The following PLEKHN1 variants were observed in gnomAD, a reference collection of about 807,000 sequenced individuals.
The protein encoded by PLEKHN1 is pleckstrin homology domain containing N1.
A neutral mutation model predicts 72.8 loss-of-function variants in PLEKHN1; 68 were observed. The ratio of observed to expected loss-of-function variants is 0.93; its 90% CI spans 0.77 to 1.14. The LOEUF is 1.14. Ranked by LOEUF, PLEKHN1 falls within the 50% of genes most tolerant of loss-of-function variation. The pLI is 0.00. For missense variants in PLEKHN1, 1,015 were observed against 840.5 expected, an observed-to-expected ratio of 1.21 and a Z score of -2.57; for synonymous variants, 454 against 371.6, an observed-to-expected ratio of 1.22 and a Z score of -2.55.
chr1:969,772 CAT>C (rs1491141553), intron 2 of PLEKHN1, among the ~76,000 whole-genome samples: 7 of 150,732 alleles, frequency 4.6e-5, no homozygotes, highest in East Asian at 2.0e-4. Context: ...TGTGTGTATG[CAT>C]GTGTGCGTGT....
At chr1:969,461 A>G (rs891229957) in intron 2 of PLEKHN1, among the ~76,000 whole-genome samples, 1 of 151,938 alleles carries the variant, frequency 6.6e-6, no homozygotes, top group African/African-American at 2.4e-5. Flanking sequence ...AAATGTATGC[A>G]TGTATGCAGT....
At chr1:973,680 C>T (rs2100481110) in intron 13 of PLEKHN1, 40 bp downstream of exon 13, 1 of 1,605,204 alleles carries the variant, frequency 6.2e-7, no homozygotes, top group Non-Finnish European at 8.5e-7. Context: ...TGGGAGGTGC[C>T]TGCAGCCTGA....
At position 973,941 on chromosome 1, in the gene PLEKHN1, G is replaced by C; in HGVS notation, c.1543G>C (p.Ala515Pro). ...CCCTCGCTCCTGCTCCTCCGGCCCC[G>C]CTGGCCCCTACTTGCTCTCCAAGAA... ...SDPRSCSSGP[A>P]GPYLLSKKGA... Residue 515 changes from alanine to proline, a missense_variant, in exon 14 of 16, where the codon GCT (alanine) becomes CCT (proline). Transcript: ENST00000379410. 6.2e-7 allele frequency: 1 copy of C among 1,610,742 alleles called. No homozygotes were observed. The highest frequency in any genetic ancestry group is 8.5e-7 in the Non-Finnish European group (1 of 1,179,774).
Position 974,005 on chromosome 1 carries a change from G to T in PLEKHN1, c.1607G>T (p.Gly536Val). The change falls in exon 14 of 16, where the codon GGC becomes GTC. Residue 536 changes from glycine (G) to valine (V), a missense_variant. Transcript: ENST00000379410. ...LQSRAAQRHR[G>V]SAKDGGPQPP... ...TCCAGAGCCGCTCAGAGACACCGGGGCTCAGCCAAGGATGGGGGGCCGCAG... is the reference window on the plus strand; with the variant it reads ...TCCAGAGCCGCTCAGAGACACCGGGTCTCAGCCAAGGATGGGGGGCCGCAG... The T allele has an allele frequency of 6.2e-7, 1 of 1,604,038 alleles. No homozygotes were observed. Among genetic ancestry groups the T allele is most frequent in the Non-Finnish European group, 8.5e-7 (1 of 1,177,602 alleles).
At chr1:967,504 C>T (rs1643071466) in intron 2 of PLEKHN1, among the ~76,000 whole-genome samples, 1 of 152,168 alleles carries the variant, frequency 6.6e-6, no homozygotes, top group South Asian at 2.1e-4. Flanking sequence ...CAGGAACCCC[C>T]ACTGCACCCC....
rs1643280827 is a variant in PLEKHN1 at position 970,848 on chromosome 1, T to A, written c.485-31T>A. On this transcript the variant is annotated intron_variant, in intron 5 of 15. Transcript: ENST00000379410. The surrounding 1 kb of genome is among the most constrained non-coding windows in gnomAD (Gnocchi z 4.2). Reference sequence around the variant, plus strand: ...CCTGTGGCTGCGGAGCACGTGTGTGTATGTGTGTGCCCTCTCTGCCCTGCC... The same window carrying A: ...CCTGTGGCTGCGGAGCACGTGTGTGAATGTGTGTGCCCTCTCTGCCCTGCC... 1 of 1,612,166 alleles carries A rather than the reference T, an allele frequency of 6.2e-7. No homozygotes were observed. Among genetic ancestry groups the A allele is most frequent in the African/African-American group, 1.3e-5 (1 of 74,902 alleles).
Position 966,698 on chromosome 1 carries a change from C to T in PLEKHN1, c.84-6C>T, listed in dbSNP as rs920584572. ...CAAGCCACGAGACCCCTTGCCTTGT[C>T]CCCAGAGAGGACAGCGCGCGGATGT... On this transcript the variant is annotated splice_region_variant and splice_polypyrimidine_tract_variant and intron_variant, in intron 1 of 15. Transcript: ENST00000379410. 1 of 1,579,308 alleles carries T rather than the reference C, an allele frequency of 6.3e-7. No individual in the cohort carries two copies. Among genetic ancestry groups the T allele is most frequent in the Non-Finnish European group, 8.6e-7 (1 of 1,162,730 alleles).
intron 12 of PLEKHN1, 70 bp from the exon 13 acceptor site, chr1:973,430 T>C: frequency 6.3e-7 from 1 of 1,586,552 alleles, no homozygotes; most frequent in Non-Finnish European, 8.6e-7. Context: ...CAGAGGCCTC[T>C]TGCACAGAGA....
rs1642986293 is a variant in PLEKHN1, at chr1:966,562, C to T, written c.31C>T (p.Pro11Ser). The T allele has an allele frequency of 1.9e-6, 3 of 1,610,780 alleles. No individual in the cohort carries two copies. The highest frequency in any genetic ancestry group is 1.7e-5 in the Admixed American group (1 of 59,928). Residue 11 changes from proline (P) to serine (S), a missense_variant, in exon 1 of 16, where the codon CCC becomes TCC. Pro to Ser is a moderately conservative substitution (Grantham distance 74, BLOSUM62 -1). Coordinates refer to ENST00000379410, the MANE Select transcript of PLEKHN1 (RefSeq NM_032129.3). MGNSHCVPQAPRRLRASFSRK... is the reference protein window; with the variant it reads MGNSHCVPQASRRLRASFSRK... ...GAACAGCCACTGTGTCCCTCAGGCC[C>T]CCAGGAGGCTCCGGGCCTCCTTCTC...
rs775591500 is a variant in PLEKHN1, at chr1:970,780, C to A, written c.484+22C>A. 4 of 1,612,548 alleles carry A rather than the reference C, an allele frequency of 2.5e-6. No individual in the cohort carries two copies. The African/African-American group carries it at 4.0e-5, about 16-fold the overall frequency. On this transcript the variant is annotated intron_variant, in intron 5 of 15. Transcript: ENST00000379410. The surrounding 1 kb of genome is among the most constrained non-coding windows in gnomAD (Gnocchi z 4.2). ...ACAGGTGTTTGGGATGCTTCCCGGG[C>A]CCCCAGAGGCACTCCTGACCCAGGA...
chr1:968,441 G>A (rs1643120684), intron 2 of PLEKHN1, among the ~76,000 whole-genome samples: 1 of 152,244 alleles, frequency 6.6e-6, no homozygotes, highest in Non-Finnish European at 1.5e-5. Flanking sequence ...AGGACTGTGT[G>A]TGCCAGGATT....
Position 974,037 on chromosome 1 carries a change from G to T in PLEKHN1, c.1639G>T (p.Asp547Tyr). 6.3e-7 allele frequency: 1 copy of T among 1,590,326 alleles called. No homozygotes were observed. Residue 547 changes from aspartate to tyrosine, a missense_variant, in exon 14 of 16, where the codon GAC becomes TAC. Coordinates refer to ENST00000379410, the MANE Select transcript of PLEKHN1 (RefSeq NM_032129.3). ...SAKDGGPQPP[D>Y]APQLVSSARE... is the part of the protein sequence containing the mutation. ...CAAGGATGGGGGGCCGCAGCCCCCA[G>T]ACGCCCCTCAGCTTGTGAGTAGCAG...
intron 1 of PLEKHN1, 21 bp downstream of exon 1, chr1:966,635 G>GCAACCTGGGCGCAGGGCTCCC (rs1642993541): frequency 6.2e-7 from 1 of 1,600,998 alleles, no homozygotes; most frequent in African/African-American, 1.3e-5. Context: ...CGTGGGTGCG[G>GCAACCTGGGCGCAGGGCTCCC]CCACCTGGGC....
At chr1:967,803 C>T (rs1232079913) in intron 2 of PLEKHN1, among the ~76,000 whole-genome samples, 1 of 152,202 alleles carries the variant, frequency 6.6e-6, no homozygotes, top group Non-Finnish European at 1.5e-5. Context: ...GTGGCTGCAT[C>T]TCAGACACCA....
At chr1:967,380 C>A (rs1176057158) in intron 2 of PLEKHN1, among the ~76,000 whole-genome samples, 2 of 151,692 alleles carry the variant, frequency 1.3e-5, no homozygotes, top group Non-Finnish European at 2.9e-5. Flanking sequence ...ATGCCCACCC[C>A]CCCCCCAGCC....
intron 7 of PLEKHN1, 37 bp from the exon 8 acceptor site, chr1:971,287 G>C: frequency 6.4e-7 from 1 of 1,556,456 alleles, no homozygotes; most frequent in Non-Finnish European, 8.7e-7. Flanking sequence ...CAGCAGCTCA[G>C]TTCCCTCATC....
At chr1:974,294 G>A (rs1021096343) in intron 14 of PLEKHN1, 22 bp from the exon 15 acceptor site, 1 of 1,612,974 alleles carries the variant, frequency 6.2e-7, no homozygotes, top group Admixed American at 1.7e-5. Flanking sequence ...CCGGCTCTCA[G>A]ACTTGCGGTT....
rs776780863 is a variant in PLEKHN1 at position 974,522 on chromosome 1, T to C, written c.1783T>C (p.Cys595Arg). 2.5e-6 allele frequency: 4 copies of C among 1,612,458 alleles called. No individual in the cohort carries two copies. The Admixed American group carries it at 5.0e-5, about 20-fold the overall frequency. Residue 595 changes from cysteine to arginine, a missense_variant, in exon 16 of 16, where the codon TGC (cysteine) becomes CGC (arginine). Transcript: ENST00000379410. ...GACTTTGTCTTCCTCCCACCAGAAGTGCCCCCAGCTTGGAGGGCCTGAGGC... is the reference window on the plus strand; with the variant it reads ...GACTTTGTCTTCCTCCCACCAGAAGCGCCCCCAGCTTGGAGGGCCTGAGGC... ...DETLSSSHQK[C>R]PQLGGPEASG...
Position 974,361 on chromosome 1 carries a change from A to C in PLEKHN1, c.1699A>C (p.Thr567Pro). 1 of 1,612,980 alleles carries C rather than the reference A, an allele frequency of 6.2e-7. No homozygotes were observed. The highest frequency in any genetic ancestry group is 1.1e-5 in the South Asian group (1 of 91,086). Residue 567 changes from threonine (T) to proline (P), a missense_variant, in exon 15 of 16, where the codon ACA becomes CCA. Physicochemically the swap from Thr to Pro is conservative, Grantham distance 38. Transcript: ENST00000379410. Reference protein sequence around the residue: ...EGSPEPWLPLTDGRSPRRSRD... With the variant: ...EGSPEPWLPLPDGRSPRRSRD... ...TTCGCCCGAACCCTGGCTGCCTCTGACAGGTGAGTAAGGATCCTGCCTCCT... is the reference window on the plus strand; with the variant it reads ...TTCGCCCGAACCCTGGCTGCCTCTGCCAGGTGAGTAAGGATCCTGCCTCCT...
Sources: gnomAD v4.1 joint callset for allele counts (sites outside exome capture counted in the v4.1 genomes callset) on GRCh38, gnomAD v4.1.1 for gene constraint, Gnocchi (gnomAD v3.1) non-coding constraint, MANE v1.5 for transcripts, NCBI Gene and HGNC (gene_info 2026-07-23, HGNC 2026-07-21) for gene names.